NELL1: variants seen among roughly 807,000 people sequenced by gnomAD.
NELL1 encodes the protein neural EGFL like 1.
NELL1 carries 76 observed loss-of-function variants against 107.4 expected under a neutral mutation model. That is an observed-to-expected ratio of 0.71 (90% CI 0.59 to 0.86). The LOEUF is 0.86. Among genes scored for constraint, NELL1 ranks in the 40% least tolerant of loss-of-function variants. NELL1 has a pLI of 0.00. For missense variants in NELL1, 1,024 were observed against 1,005.5 expected (o/e 1.02, Z -0.25); for synonymous variants, 353 against 341.2 (o/e 1.03, Z -0.38).
At chr11:20,962,569 T>A (rs1286101265) in intron 12 of NELL1, among the ~76,000 whole-genome samples, 1 of 152,210 alleles carries the variant, frequency 6.6e-6, no homozygotes, top group Non-Finnish European at 1.5e-5. Flanking sequence ...GTGCTAATGC[T>A]GTTTGGGATT....
chr11:21,370,272 T>A (rs1851328506), intron 14 of NELL1, among the ~76,000 whole-genome samples: 1 of 152,042 alleles, frequency 6.6e-6, no homozygotes, highest in Non-Finnish European at 1.5e-5. Context: ...CATAAAGGAA[T>A]AGTTCAGGTT....
chr11:20,810,181 A>AT (rs1857470737), intron 3 of NELL1, among the ~76,000 whole-genome samples: 1 of 151,354 alleles, frequency 6.6e-6, no homozygotes, highest in Non-Finnish European at 1.5e-5. Flanking sequence ...TCTTTTGCCT[A>AT]TTTGTTAACT....
At chr11:21,520,009 A>G (rs1272668963) in intron 15 of NELL1, among the ~76,000 whole-genome samples, 1 of 152,188 alleles carries the variant, frequency 6.6e-6, no homozygotes, top group Non-Finnish European at 1.5e-5. Flanking sequence ...AAACAACAAC[A>G]ACAACAACTT....
chr11:21,060,539 T>A (rs1853714318), intron 12 of NELL1, among the ~76,000 whole-genome samples: 5 of 152,184 alleles, frequency 3.3e-5, no homozygotes, highest in Admixed American at 3.3e-4. Context: ...TGGTAAAATG[T>A]TATATTATTG....
intron 14 of NELL1, among the ~76,000 whole-genome samples, chr11:21,232,159 A>AAAAATAT (rs1554985116): frequency 1.4e-5 from 1 of 73,208 alleles, no homozygotes; most frequent in Non-Finnish European, 2.8e-5. Context: ...AAAAAAAAAA[A>AAAAATAT]ATATATATAT....
At chr11:21,269,947 G>C (rs143716451) in intron 14 of NELL1, among the ~76,000 whole-genome samples, 1 of 151,938 alleles carries the variant, frequency 6.6e-6, no homozygotes, top group Non-Finnish European at 1.5e-5. Flanking sequence ...TAAGGTTCTT[G>C]TACTCTCTAT....
At chr11:20,980,359 C>T (rs1851725642) in intron 12 of NELL1, among the ~76,000 whole-genome samples, 1 of 152,088 alleles carries the variant, frequency 6.6e-6, no homozygotes, top group Non-Finnish European at 1.5e-5. Context: ...AGAATTAGGA[C>T]TAAGATTGGA....
chr11:20,712,095 G>T (rs1241727856), intron 2 of NELL1, among the ~76,000 whole-genome samples: 1 of 152,076 alleles, frequency 6.6e-6, no homozygotes, highest in Non-Finnish European at 1.5e-5. Context: ...ATTATTCTTA[G>T]ATTTGGTCAT....
At chr11:21,278,749 G>A (rs139291757) in intron 14 of NELL1, among the ~76,000 whole-genome samples, 337 of 152,204 alleles carry the variant, frequency 2.2e-3, no homozygotes, top group African/African-American at 7.7e-3. Flanking sequence ...AATAAAAATC[G>A]TAGGGAGTTA....
At chr11:20,684,922 T>C (rs1854272525) in intron 2 of NELL1, among the ~76,000 whole-genome samples, 1 of 152,112 alleles carries the variant, frequency 6.6e-6, no homozygotes, top group South Asian at 2.1e-4. Context: ...CTGGCCCTCG[T>C]GTATGCTGGA....
intron 15 of NELL1, among the ~76,000 whole-genome samples, chr11:21,396,146 C>A (rs1851976278): frequency 6.6e-6 from 1 of 151,382 alleles, no homozygotes; most frequent in South Asian, 2.1e-4. Flanking sequence ...GTAAACCATA[C>A]CCTGTGAACT....
chr11:20,801,526 T>G (rs1857281541), intron 3 of NELL1, among the ~76,000 whole-genome samples: 1 of 152,234 alleles, frequency 6.6e-6, no homozygotes, highest in Non-Finnish European at 1.5e-5. Context: ...TTATGTGGGT[T>G]GTCTCTTCAC....
At chr11:20,774,919 G>A (rs756615493) in intron 2 of NELL1, among the ~76,000 whole-genome samples, 3 of 151,998 alleles carry the variant, frequency 2.0e-5, no homozygotes, top group Non-Finnish European at 2.9e-5. Context: ...AATGGCACCT[G>A]AGGAGGGTTG....
intron 15 of NELL1, among the ~76,000 whole-genome samples, chr11:21,441,266 C>A (rs142114326): frequency 1.3e-5 from 2 of 150,708 alleles, no homozygotes; most frequent in African/African-American, 4.9e-5. Context: ...GACATCATTT[C>A]TATTTATAAT....
chr11:20,753,262 A>AT (rs1256667918), intron 2 of NELL1, among the ~76,000 whole-genome samples: 1 of 152,218 alleles, frequency 6.6e-6, no homozygotes, highest in Non-Finnish European at 1.5e-5. Context: ...TGTCCTTATT[A>AT]TTTTTAATGG....
At chr11:20,761,203 G>A (rs1483226046) in intron 2 of NELL1, among the ~76,000 whole-genome samples, 1 of 152,172 alleles carries the variant, frequency 6.6e-6, no homozygotes, top group Non-Finnish European at 1.5e-5. Context: ...GTAAGGTGCA[G>A]TTTAACATAA....
chr11:20,919,808 G>C (rs901056632), intron 7 of NELL1, among the ~76,000 whole-genome samples: 7 of 152,118 alleles, frequency 4.6e-5, no homozygotes, highest in Non-Finnish European at 8.8e-5. Context: ...TTTCAAGGCT[G>C]GTCCTGAGTT....
At chr11:21,090,392 T>C (rs1854493900) in intron 12 of NELL1, among the ~76,000 whole-genome samples, 1 of 152,164 alleles carries the variant, frequency 6.6e-6, no homozygotes, top group South Asian at 2.1e-4. Flanking sequence ...CCTATTTGCC[T>C]GTTCAGTGTT....
At chr11:20,925,975 T>A (rs1194577237) in intron 7 of NELL1, among the ~76,000 whole-genome samples, 1 of 152,220 alleles carries the variant, frequency 6.6e-6, no homozygotes, top group African/African-American at 2.4e-5. Flanking sequence ...TTATCTATTA[T>A]GTCTAAAATA....
Sources: allele counts gnomAD v4.1 joint callset (sites outside exome capture counted in the v4.1 genomes callset), GRCh38; gene constraint gnomAD v4.1.1; transcripts MANE v1.5; gene names NCBI Gene and HGNC (gene_info 2026-07-23, HGNC 2026-07-21).